ILK: variants seen among roughly 807,000 people sequenced by gnomAD.
The protein encoded by ILK is scaffold protein ILK.
ILK carries 37 observed loss-of-function variants against 57.8 expected under a neutral mutation model. The observed-to-expected ratio is 0.64, with a 90% confidence interval of 0.49 to 0.84. The LOEUF is 0.84. Among genes scored for constraint, ILK ranks in the 40% least tolerant of loss-of-function variants. The probability of loss-of-function intolerance (pLI) is 0.00; values close to 1 mark genes in which losing one functional copy is unlikely to be tolerated. For missense variants in ILK, 528 were observed against 595.7 expected, an observed-to-expected ratio of 0.89 and a Z score of 1.18; for synonymous variants, 231 against 202.2, an observed-to-expected ratio of 1.14 and a Z score of -1.21.
chr11:6,604,546 AAG>A (rs1854637874), intron 2 of ILK, 186 bp downstream of exon 2: 11 of 672,152 alleles, frequency 1.6e-5, no homozygotes, highest in Middle Eastern at 2.8e-4. Context: ...ACTGCAGAAT[AAG>A]AGTTTCACAG....
chr11:6,606,414 T>G (rs1854912709), intron 2 of ILK: 1 of 152,234 alleles, frequency 6.6e-6, no homozygotes, highest in Non-Finnish European at 1.5e-5. Context: ...TCTACACTAT[T>G]TCTCTTTAAT....
rs1196783653 is a variant in ILK, at chr11:6,604,311, G to T, written c.40G>T (p.Val14Phe). 6.2e-7 allele frequency: 1 copy of T among 1,612,826 alleles called. No individual in the cohort carries two copies. The highest frequency in any genetic ancestry group is 1.3e-5 in the African/African-American group (1 of 74,918). The change falls in exon 2 of 13, where the codon GTC becomes TTC. Residue 14 changes from valine to phenylalanine, a missense_variant. Physicochemically the swap from Val to Phe is conservative, Grantham distance 50. Coordinates refer to ENST00000299421, the MANE Select transcript of ILK (RefSeq NM_004517.4). ...CACTCAGTGCCGGGAGGGCAACGCAGTCGCCGTTCGCCTGTGGCTGGACAA... is the reference window on the plus strand; with the variant it reads ...CACTCAGTGCCGGGAGGGCAACGCATTCGCCGTTCGCCTGTGGCTGGACAA... ...IFTQCREGNA[V>F]AVRLWLDNTE...
Position 6,603,786 on chromosome 11 carries a change from G to GA in ILK, c.-128dup. On this transcript the variant is annotated 5_prime_UTR_variant, in exon 1 of 13. Coordinates refer to ENST00000299421, the MANE Select transcript of ILK (RefSeq NM_004517.4). ...GCGGGCTGCGGGCGCGGCCGGACGG[G>GA]AGTTCCCCGGAGAAGGATCCTGCAG... is the stretch of plus-strand genomic sequence containing the variant. 2.7e-6 allele frequency: 1 copy of GA among 368,714 alleles called. No individual in the cohort carries two copies. The highest frequency in any genetic ancestry group is 4.8e-6 in the Non-Finnish European group (1 of 207,174). 22.8% of individuals were successfully genotyped at this position (368,714 alleles called of 1,614,324 possible). A position where few individuals can be genotyped will look rare whatever the true frequency, so the allele number is the denominator to read the frequency against.
chr11:6,608,267 C>A lies in ILK; in HGVS notation c.255+56C>A, dbSNP rs570326437. 314 of 1,596,748 alleles carry A rather than the reference C, an allele frequency of 2.0e-4. 1 individual carries two copies. Among genetic ancestry groups the A allele is most frequent in the Non-Finnish European group, 2.5e-4 (295 of 1,164,242 alleles). The stretch of plus-strand genomic sequence containing the variant: ...ACATACATGCCATGAGGGTCAGTCA[C>A]AGGCACTGTAACATACAGTAGAAAG... On this transcript the variant is annotated intron_variant, in intron 3 of 12. Coordinates refer to ENST00000299421, the MANE Select transcript of ILK (RefSeq NM_004517.4). The surrounding 1 kb of genome is among the most constrained non-coding windows in gnomAD (Gnocchi z 4.9).
In ILK at chr11:6,610,830, G is replaced by A; in HGVS notation, c.*219G>A. The A allele has an allele frequency of 1.3e-6, 2 of 1,483,148 alleles. No individual in the cohort carries two copies. Among genetic ancestry groups the A allele is most frequent in the East Asian group, 2.3e-5 (1 of 44,216 alleles). 91.9% of individuals were successfully genotyped at this position (1,483,148 alleles called of 1,614,324 possible). ...CCACATGGTGTCTCCCAACATGGGA[G>A]GGATCAGCCCCGCCTGTCACAATAA... On this transcript the variant is annotated 3_prime_UTR_variant, in exon 13 of 13. Coordinates refer to ENST00000299421, the MANE Select transcript of ILK (RefSeq NM_004517.4).
Position 6,604,519 on chromosome 11 carries a change from G to C in ILK, c.89+159G>C, listed in dbSNP as rs578207319. 9.8e-6 allele frequency: 7 copies of C among 711,096 alleles called. No individual in the cohort carries two copies. The African/African-American group carries it at 1.0e-4, about 11-fold the overall frequency. The allele number at this position is 711,096 out of a possible 1,614,324, so 44.0% of individuals were successfully genotyped here. On this transcript the variant is annotated intron_variant, in intron 2 of 12. Transcript: ENST00000299421. ...GCAGAGGGTTTTCACAGAGGACGCA[G>C]TTTGAGCTGAATCTTGACTGCAGAA... is the stretch of plus-strand genomic sequence containing the variant.
intron 2 of ILK, chr11:6,604,882 G>T (rs1382425378): frequency 2.2e-6 from 1 of 456,350 alleles, no homozygotes; most frequent in Non-Finnish European, 4.4e-6. Flanking sequence ...TGAAGAGCAG[G>T]TGGAAAGGAG....
chr11:6,608,003 C>T lies in ILK; in HGVS notation c.90-43C>T. On this transcript the variant is annotated intron_variant, in intron 2 of 12. Transcript: ENST00000299421. This position sits in a 1 kb window ranked among gnomAD's most constrained non-coding sequence, Gnocchi z 4.9. Reference sequence around the variant, plus strand: ...TTTTTCAGGAATCAAAACCTTTGCCCCATCCCACCTCCAGCTCAATGACCA... The same window carrying T: ...TTTTTCAGGAATCAAAACCTTTGCCTCATCCCACCTCCAGCTCAATGACCA... The T allele has an allele frequency of 6.2e-7, 1 of 1,606,878 alleles. No individual in the cohort carries two copies. The highest frequency in any genetic ancestry group is 8.5e-7 in the Non-Finnish European group (1 of 1,174,756).
Position 6,608,568 on chromosome 11 carries a change from C to G in ILK, c.351+79C>G. On this transcript the variant is annotated intron_variant, in intron 4 of 12. Coordinates refer to ENST00000299421, the MANE Select transcript of ILK (RefSeq NM_004517.4). The surrounding 1 kb of genome is among the most constrained non-coding windows in gnomAD (Gnocchi z 4.9). ...TGGTGGGAGATTTTGGAACCCTCAA[C>G]CCATTCTGTCAGTACTACTGTGTGA... 3 of 1,377,334 alleles carry G rather than the reference C, an allele frequency of 2.2e-6. No individual in the cohort carries two copies. The South Asian group carries it at 3.5e-5, about 16-fold the overall frequency. 85.3% of individuals were successfully genotyped at this position (1,377,334 alleles called of 1,614,324 possible).
rs1379419125 is a variant in ILK, at chr11:6,604,151, C to T, written c.-92-29C>T. On this transcript the variant is annotated intron_variant, in intron 1 of 12. Coordinates refer to ENST00000299421, the MANE Select transcript of ILK (RefSeq NM_004517.4). ...CCGGGGACGCAGCTCAGGCCCCCTA[C>T]CCCCAACACAAACACTTCTCTCCTG... The T allele has an allele frequency of 7.6e-6, 7 of 916,338 alleles. No homozygotes were observed. The East Asian group carries it at 1.8e-4, about 24-fold the overall frequency. 56.8% of individuals were successfully genotyped at this position (916,338 alleles called of 1,614,324 possible). A position where few individuals can be genotyped will look rare whatever the true frequency, so the allele number is the denominator to read the frequency against.
Position 6,604,184 on chromosome 11 carries a change from T to G in ILK, c.-88T>G. 2 of 1,192,404 alleles carry G rather than the reference T, an allele frequency of 1.7e-6. No individual in the cohort carries two copies. The highest frequency in any genetic ancestry group is 2.4e-6 in the Non-Finnish European group (2 of 828,070). The allele number at this position is 1,192,404 out of a possible 1,614,324, so 73.9% of individuals were successfully genotyped here. On this transcript the variant is annotated 5_prime_UTR_variant, in exon 2 of 13. Transcript: ENST00000299421. ...ACAAACACTTCTCTCCTGTAGAGGA[T>G]AAAGCTTGGGGTTCATCCTCCTTCC...
chr11:6,606,149 G>A (rs1235371503), intron 2 of ILK: 2 of 152,158 alleles, frequency 1.3e-5, no homozygotes, highest in Non-Finnish European at 2.9e-5. Flanking sequence ...CTCCAGCCTG[G>A]GCCACAGAGC....
chr11:6,604,153 C>T (rs1329474782), intron 1 of ILK, 27 bp from the exon 2 acceptor site: 1 of 941,718 alleles, frequency 1.1e-6, no homozygotes, highest in East Asian at 2.6e-5. Context: ...GCCCCCTACC[C>T]CCAACACAAA....
chr11:6,605,055 G>A (rs1276986519), intron 2 of ILK: 5 of 349,452 alleles, frequency 1.4e-5, no homozygotes, highest in Non-Finnish European at 2.2e-5. Context: ...TTCTGGCTTG[G>A]GAACTTGGTT....
chr11:6,603,983 A>G (rs373487416), intron 1 of ILK, 161 bp downstream of exon 1: 34 of 551,598 alleles, frequency 6.2e-5, no homozygotes, highest in East Asian at 5.7e-4. Flanking sequence ...GATAGGGTCT[A>G]GTTGCCTGCT....
rs368896352 is a variant in ILK, at chr11:6,608,869, G to A, written c.449-15G>A. On this transcript the variant is annotated splice_polypyrimidine_tract_variant and intron_variant, in intron 5 of 12. Coordinates refer to ENST00000299421, the MANE Select transcript of ILK (RefSeq NM_004517.4). The surrounding 1 kb of genome is among the most constrained non-coding windows in gnomAD (Gnocchi z 4.9). ...CTCCCTCTGTACCACAGCTTAGGTT[G>A]TTTTTCTTCCCTAGAGCGGGCAGAG... is the stretch of plus-strand genomic sequence containing the variant. 8.1e-6 allele frequency: 13 copies of A among 1,613,988 alleles called. No homozygotes were observed. Among genetic ancestry groups the A allele is most frequent in the African/African-American group, 1.3e-5 (1 of 75,050 alleles).
Position 6,609,414 on chromosome 11 carries a change from G to C in ILK, c.728+6G>C, listed in dbSNP as rs1430830149. On this transcript the variant is annotated splice_donor_region_variant and intron_variant, in intron 8 of 12. Transcript: ENST00000299421. ...GAAGAGTGTCCCCGGCTCAGGTAGT[G>C]CAAGGCGTAACCTGGAAGCTGCTAG... 4 of 1,613,868 alleles carry C rather than the reference G, an allele frequency of 2.5e-6. No individual in the cohort carries two copies.
chr11:6,610,356 C>T (rs941855156), intron 12 of ILK, 78 bp downstream of exon 12: 4 of 1,613,002 alleles, frequency 2.5e-6, no homozygotes, highest in African/African-American at 2.7e-5. Context: ...GCCTTGGCTC[C>T]TCACATATTT....
In ILK at chr11:6,608,022, A is replaced by AT. The variant is rs1564844685; in HGVS notation, c.90-23dup. On this transcript the variant is annotated intron_variant, in intron 2 of 12. Coordinates refer to ENST00000299421, the MANE Select transcript of ILK (RefSeq NM_004517.4). The surrounding 1 kb of genome is among the most constrained non-coding windows in gnomAD (Gnocchi z 4.9). The stretch of plus-strand genomic sequence containing the variant: ...TTTGCCCCATCCCACCTCCAGCTCA[A>AT]TGACCATTGCCCCTTCCTCAAAGGG... The AT allele has an allele frequency of 6.2e-7, 1 of 1,613,348 alleles. No individual in the cohort carries two copies. Among genetic ancestry groups the AT allele is most frequent in the Non-Finnish European group, 8.5e-7 (1 of 1,179,840 alleles).
Sources: allele counts gnomAD v4.1 joint callset, GRCh38; gene constraint gnomAD v4.1.1; non-coding constraint Gnocchi (gnomAD v3.1); transcripts MANE v1.5; gene names NCBI Gene and HGNC (gene_info 2026-07-23, HGNC 2026-07-21).